ABHD6: variants seen among roughly 807,000 people sequenced by gnomAD.
ABHD6 encodes the protein abhydrolase domain containing 6, acylglycerol lipase, also known as monoacylglycerol lipase ABHD6.
In ABHD6, 33 loss-of-function variants were observed where a neutral mutation model predicts 38.8. The observed-to-expected ratio is 0.85, with a 90% CI of 0.64 to 1.14. The LOEUF (loss-of-function observed/expected upper bound fraction) is 1.14, where lower values mean the gene tolerates loss of function less well. ABHD6 is among the 50% of genes most tolerant of loss of function. ABHD6 has a pLI of 0.00. For missense variants in ABHD6, 380 were observed against 422.6 expected (o/e 0.90, Z 0.88); for synonymous variants, 147 against 161.6 (o/e 0.91, Z 0.69).
chr3:58,270,923 C>T lies in ABHD6; in HGVS notation c.391-9C>T. On this transcript the variant is annotated splice_polypyrimidine_tract_variant and intron_variant, in intron 5 of 9. Transcript: ENST00000478253. Reference sequence around the variant, plus strand: ...TATAACCAAGCTGCTTTCTCATTTCCCTTCCTAGTTTGTAGAATGCCTGAA... The same window carrying T: ...TATAACCAAGCTGCTTTCTCATTTCTCTTCCTAGTTTGTAGAATGCCTGAA... The T allele has an allele frequency of 6.3e-7, 1 of 1,597,058 alleles. No homozygotes were observed. The highest frequency in any genetic ancestry group is 1.1e-5 in the South Asian group (1 of 88,182).
At position 58,266,169 on chromosome 3, in the gene ABHD6, C is replaced by T. The variant is rs1310124229; in HGVS notation, c.120-1020C>T. 1.3e-5 allele frequency among the ~76,000 whole-genome samples: 2 copies of T among 152,176 alleles called. No individual in the cohort carries two copies. Among genetic ancestry groups the T allele is most frequent in the Admixed American group, 6.5e-5 (1 of 15,276 alleles). On this transcript the variant is annotated intron_variant, in intron 3 of 9. Coordinates refer to ENST00000478253, the MANE Select transcript of ABHD6 (RefSeq NM_001320126.2). The surrounding 1 kb of genome is among the most constrained non-coding windows in gnomAD (Gnocchi z 4.0). Reference sequence around the variant, plus strand: ...AGTTTCAAAAGAAACCAACCAGGTGCGGTTTAACCAGCTGGACGTCTGTAA... The same window carrying T: ...AGTTTCAAAAGAAACCAACCAGGTGTGGTTTAACCAGCTGGACGTCTGTAA...
In ABHD6 at chr3:58,264,411, A is replaced by G. The variant is rs866639511; in HGVS notation, c.120-2778A>G. On this transcript the variant is annotated intron_variant, in intron 3 of 9. Coordinates refer to ENST00000478253, the MANE Select transcript of ABHD6 (RefSeq NM_001320126.2). ...CGCACACACACACACACACACACAC[A>G]CACACACACACACACACACACACAC... Among the ~76,000 whole-genome samples the G allele has an allele frequency of 3.1e-3, 410 of 132,904 alleles. 11 individuals are homozygous for G. The East Asian group carries it at 0.033, about 11-fold the overall frequency. 87.2% of individuals were successfully genotyped at this position (132,904 alleles called of 152,430 possible). A position where few individuals can be genotyped will look rare whatever the true frequency, so the allele number is the denominator to read the frequency against.
At position 58,257,029 on chromosome 3, in the gene ABHD6, A is replaced by G. The variant is rs114299428; in HGVS notation, c.119+324A>G. ...ATCAATTTTCCTGCTTCAGCCTCCA[A>G]GTAGCTGAGATTTTACAGGTGTATG... On this transcript the variant is annotated intron_variant, in intron 3 of 9. Transcript: ENST00000478253. The surrounding 1 kb of genome is among the most constrained non-coding windows in gnomAD (Gnocchi z 4.8). Among the ~76,000 whole-genome samples the G allele has an allele frequency of 4.0e-3, 612 of 152,010 alleles. 5 individuals are homozygous for G. The highest frequency in any genetic ancestry group is 0.014 in the African/African-American group (568 of 41,478).
intron 9 of ABHD6, among the ~76,000 whole-genome samples, chr3:58,290,424 G>T (rs1226327005): frequency 8.5e-6 from 1 of 117,340 alleles, no homozygotes; most frequent in Non-Finnish European, 1.8e-5. Context: ...CGGCTGGGCA[G>T]AGGCGCCCCT....
At chr3:58,289,798 C>G (rs2097460311) in intron 9 of ABHD6, among the ~76,000 whole-genome samples, 1 of 151,964 alleles carries the variant, frequency 6.6e-6, no homozygotes. Flanking sequence ...CTCCTCACTT[C>G]CCAGTAGGGG....
chr3:58,256,794 T>G lies in ABHD6; in HGVS notation c.119+89T>G. The G allele has an allele frequency of 1.8e-6, 2 of 1,083,150 alleles. No individual in the cohort carries two copies. Among genetic ancestry groups the G allele is most frequent in the Non-Finnish European group, 2.7e-6 (2 of 729,048 alleles). 67.1% of individuals were successfully genotyped at this position (1,083,150 alleles called of 1,614,324 possible). On this transcript the variant is annotated intron_variant, in intron 3 of 9. Coordinates refer to ENST00000478253, the MANE Select transcript of ABHD6 (RefSeq NM_001320126.2). This position sits in a 1 kb window ranked among gnomAD's most constrained non-coding sequence, Gnocchi z 4.3. Reference sequence around the variant, plus strand: ...CCTTTTTGTGGTTATTGTCCAACATTTTATCAGGAAGTATTTCAGACAGAG... The same window carrying G: ...CCTTTTTGTGGTTATTGTCCAACATGTTATCAGGAAGTATTTCAGACAGAG...
At chr3:58,281,008 C>T (rs964448512) in intron 7 of ABHD6, among the ~76,000 whole-genome samples, 2 of 152,202 alleles carry the variant, frequency 1.3e-5, no homozygotes, top group African/African-American at 4.8e-5. Flanking sequence ...AGGTGTCAAT[C>T]AGCCCCTACT....
At chr3:58,241,646 TG>T (rs963926207) in intron 1 of ABHD6, among the ~76,000 whole-genome samples, 1 of 152,212 alleles carries the variant, frequency 6.6e-6, no homozygotes, top group African/African-American at 2.4e-5. Flanking sequence ...TGATGAAGTC[TG>T]GGGATGGGAC....
chr3:58,286,318 A>G (rs894140007), intron 9 of ABHD6, among the ~76,000 whole-genome samples: 2 of 151,138 alleles, frequency 1.3e-5, no homozygotes, highest in African/African-American at 4.9e-5. Context: ...CACACCTGGC[A>G]ATTTTTGTAT....
Position 58,293,913 on chromosome 3 carries a change from G to C in ABHD6, c.*148G>C, listed in dbSNP as rs1030479016. ...CCCGTCCCTTATCCCTGGTATCCAC[G>C]GTTCCCCAGAGCTTTGGGGACCACG... On this transcript the variant is annotated 3_prime_UTR_variant, in exon 10 of 10. Coordinates refer to ENST00000478253, the MANE Select transcript of ABHD6 (RefSeq NM_001320126.2). This position sits in a 1 kb window ranked among gnomAD's most constrained non-coding sequence, Gnocchi z 4.4. 1.2e-6 allele frequency: 1 copy of C among 834,564 alleles called. No individual in the cohort carries two copies. Among genetic ancestry groups the C allele is most frequent in the Non-Finnish European group, 1.8e-6 (1 of 563,556 alleles). 51.7% of individuals were successfully genotyped at this position (834,564 alleles called of 1,614,324 possible).
chr3:58,267,915 A>T lies in ABHD6; in HGVS notation c.276+570A>T, dbSNP rs867761319. On this transcript the variant is annotated intron_variant, in intron 4 of 9. Coordinates refer to ENST00000478253, the MANE Select transcript of ABHD6 (RefSeq NM_001320126.2). The surrounding 1 kb of genome is among the most constrained non-coding windows in gnomAD (Gnocchi z 4.3). ...GGCAACATAGGGAGACTCCGTCTCT[A>T]CAAAAAAATTAGCCAGGCATGGTGG... Among the ~76,000 whole-genome samples the T allele has an allele frequency of 6.6e-6, 1 of 152,078 alleles. No individual in the cohort carries two copies. The highest frequency in any genetic ancestry group is 1.9e-4 in the East Asian group (1 of 5,178).
At chr3:58,250,093 T>C (rs1438708985) in intron 2 of ABHD6, among the ~76,000 whole-genome samples, 151 bp downstream of exon 2, 2 of 152,122 alleles carry the variant, frequency 1.3e-5, no homozygotes, top group African/African-American at 4.8e-5. Context: ...GGGAAGGGAT[T>C]TGGCACCTGA....
rs1302501356 is a variant in ABHD6 at position 58,271,764 on chromosome 3, C to CTTTTTTT, written c.523+701_523+702insTTTTTTT. ...TTCTCTCCTCTATCTCCCCCTCTCT[C>CTTTTTTT]TGTTTTTTTTTTTTTTTTTTTTTTT... On this transcript the variant is annotated intron_variant, in intron 6 of 9. Transcript: ENST00000478253. 2.0e-4 allele frequency among the ~76,000 whole-genome samples: 16 copies of CTTTTTTT among 78,132 alleles called. No homozygotes were observed. The East Asian group carries it at 3.9e-3, about 19-fold the overall frequency. 51.3% of individuals were successfully genotyped at this position (78,132 alleles called of 152,430 possible).
At chr3:58,260,712 T>A (rs1227656431) in intron 3 of ABHD6, among the ~76,000 whole-genome samples, 1 of 152,186 alleles carries the variant, frequency 6.6e-6, no homozygotes, top group African/African-American at 2.4e-5. Context: ...ATTTTCAGGA[T>A]TGCTACACAA....
At chr3:58,254,454 C>T (rs964153570) in intron 2 of ABHD6, among the ~76,000 whole-genome samples, 13 of 152,336 alleles carry the variant, frequency 8.5e-5, no homozygotes, top group African/African-American at 2.4e-4. Flanking sequence ...CTAAAATCGT[C>T]ACCGTCTGGC....
At chr3:58,244,889 T>G (rs1417107158) in intron 1 of ABHD6, among the ~76,000 whole-genome samples, 1 of 152,200 alleles carries the variant, frequency 6.6e-6, no homozygotes, top group African/African-American at 2.4e-5. Flanking sequence ...AAACTGTATT[T>G]TACTTTTAAC....
intron 9 of ABHD6, among the ~76,000 whole-genome samples, chr3:58,290,252 G>A (rs1391642161): frequency 1.5e-5 from 2 of 129,882 alleles, no homozygotes; most frequent in Non-Finnish European, 3.3e-5. Context: ...CTGGGCAGAG[G>A]CGCCCCTCAC....
In ABHD6 at chr3:58,285,431, T is replaced by C; in HGVS notation, c.815T>C (p.Ile272Thr). ...NMDKIKVPTQ[I>T]IWGKQDQVLD... is the part of the protein sequence containing the mutation. ...GACAAGATCAAGGTTCCGACGCAGATCATCTGGGGGAAACAAGACCAGGTA... is the reference window on the plus strand; with the variant it reads ...GACAAGATCAAGGTTCCGACGCAGACCATCTGGGGGAAACAAGACCAGGTA... Residue 272 changes from isoleucine (I) to threonine (T), a missense_variant, in exon 9 of 10, where the codon ATC becomes ACC. Coordinates refer to ENST00000478253, the MANE Select transcript of ABHD6 (RefSeq NM_001320126.2). This position sits in a 1 kb window ranked among gnomAD's most constrained non-coding sequence, Gnocchi z 4.9. 6.2e-7 allele frequency: 1 copy of C among 1,614,048 alleles called. No individual in the cohort carries two copies. Among genetic ancestry groups the C allele is most frequent in the South Asian group, 1.1e-5 (1 of 91,066 alleles).
chr3:58,290,458 C>T lies in ABHD6; in HGVS notation c.838-3131C>T, dbSNP rs2097461470. Among the ~76,000 whole-genome samples the T allele has an allele frequency of 2.7e-5, 3 of 109,094 alleles. 1 individual carries two copies. Among genetic ancestry groups the T allele is most frequent in the Non-Finnish European group, 5.7e-5 (3 of 52,866 alleles). 71.6% of individuals were successfully genotyped at this position (109,094 alleles called of 152,430 possible). On this transcript the variant is annotated intron_variant, in intron 9 of 9. Coordinates refer to ENST00000478253, the MANE Select transcript of ABHD6 (RefSeq NM_001320126.2). ...CTCACCTACCGGATGGGGCGGCTGGCCGGGCGGGGGGCTGACCCCCCCACC... is the reference window on the plus strand; with the variant it reads ...CTCACCTACCGGATGGGGCGGCTGGTCGGGCGGGGGGCTGACCCCCCCACC...
Sources: allele counts gnomAD v4.1 joint callset (sites outside exome capture counted in the v4.1 genomes callset), GRCh38; gene constraint gnomAD v4.1.1; non-coding constraint Gnocchi (gnomAD v3.1); transcripts MANE v1.5; gene names NCBI Gene and HGNC (gene_info 2026-07-23, HGNC 2026-07-21).